The following TMEM14A variants were observed in gnomAD, a reference collection of about 807,000 sequenced individuals.
TMEM14A encodes the protein transmembrane protein 14A.
In TMEM14A, 8 loss-of-function variants were observed where a neutral mutation model predicts 11.6. That is an observed-to-expected ratio of 0.69 (90% confidence interval 0.40 to 1.24). The LOEUF is 1.24. Ranked by LOEUF, TMEM14A falls within the 50% of genes most tolerant of loss-of-function variation. The probability of loss-of-function intolerance (pLI) is 0.01; values close to 1 mark genes in which losing one functional copy is unlikely to be tolerated. For missense variants in TMEM14A, 108 were observed against 121.9 expected, an observed-to-expected ratio of 0.89 and a Z score of 0.54; for synonymous variants, 34 against 45.5, an observed-to-expected ratio of 0.75 and a Z score of 1.02.
chr6:52,678,162 T>C (rs933219439), intron 2 of TMEM14A, among the ~76,000 whole-genome samples: 1 of 152,224 alleles, frequency 6.6e-6, no homozygotes, highest in African/African-American at 2.4e-5. Context: ...AGAACTCAGT[T>C]TAAAATGCTA....
intron 1 of TMEM14A, among the ~76,000 whole-genome samples, chr6:52,673,616 C>T (rs1769202478): frequency 6.6e-6 from 1 of 152,062 alleles, no homozygotes; most frequent in Non-Finnish European, 1.5e-5. Flanking sequence ...CTTAGGCTCC[C>T]AGTCCTTGCT....
chr6:52,678,310 AGTGTGTGTATGTGTGTGTTTGTGTGTGT>A (rs1156254669), intron 2 of TMEM14A, among the ~76,000 whole-genome samples: 9 of 140,538 alleles, frequency 6.4e-5, no homozygotes, highest in Non-Finnish European at 9.2e-5. Context: ...AGATATAGAG[AGTGTGTGTATGTGTGTGTTTGTGTGTGT>A]GTGTGTGTGT....
chr6:52,680,593 T>TATATGTATATA (rs1561874928), intron 2 of TMEM14A, among the ~76,000 whole-genome samples: 1 of 96,516 alleles, frequency 1.0e-5, no homozygotes, highest in South Asian at 3.5e-4. Flanking sequence ...ATTTATATAT[T>TATATGTATATA]TATATATATA....
At chr6:52,673,139 C>T (rs1314374331) in intron 1 of TMEM14A, among the ~76,000 whole-genome samples, 1 of 152,160 alleles carries the variant, frequency 6.6e-6, no homozygotes, top group Non-Finnish European at 1.5e-5. Flanking sequence ...ATTCATGCTC[C>T]CCTGTAGGGT....
At chr6:52,681,981 G>A in intron 3 of TMEM14A, 67 bp downstream of exon 3, 1 of 1,353,880 alleles carries the variant, frequency 7.4e-7, no homozygotes, top group Non-Finnish European at 1.0e-6. Flanking sequence ...GATACCCTAT[G>A]CTAGATATAC....
chr6:52,680,107 C>T (rs1238590435), intron 2 of TMEM14A, among the ~76,000 whole-genome samples: 2 of 151,904 alleles, frequency 1.3e-5, no homozygotes, highest in African/African-American at 2.4e-5. Flanking sequence ...CCCTGTGTCT[C>T]GCCCTGGGGA....
At chr6:52,674,969 C>A (rs1004663403) in intron 1 of TMEM14A, among the ~76,000 whole-genome samples, 3 of 151,076 alleles carry the variant, frequency 2.0e-5, no homozygotes, top group Non-Finnish European at 4.4e-5. Context: ...CTCTGCCTCG[C>A]AGGTTCAAGG....
At chr6:52,678,319 ATGTGTGTGTTTGTGTGTGTGTG>A (rs1430664644) in intron 2 of TMEM14A, among the ~76,000 whole-genome samples, 111 of 133,794 alleles carry the variant, frequency 8.3e-4, no homozygotes, top group Middle Eastern at 4.1e-3. Context: ...GAGTGTGTGT[ATGTGTGTGTTTGTGTGTGTGTG>A]TGTGTGTGTG....
chr6:52,678,911 G>A (rs927421475), intron 2 of TMEM14A, among the ~76,000 whole-genome samples: 1 of 152,084 alleles, frequency 6.6e-6, no homozygotes, highest in African/African-American at 2.4e-5. Context: ...CCAGTGGCTC[G>A]AATGTCTTAG....
chr6:52,683,825 G>T (rs1393272136), intron 3 of TMEM14A, among the ~76,000 whole-genome samples: 2 of 152,166 alleles, frequency 1.3e-5, no homozygotes, highest in Non-Finnish European at 2.9e-5. Context: ...ATGTTGGTCA[G>T]ACTGGCCTCA....
intron 4 of TMEM14A, 136 bp from the exon 5 acceptor site, chr6:52,685,874 C>A (rs1769483711): frequency 6.6e-6 from 4 of 604,556 alleles, no homozygotes; most frequent in Non-Finnish European, 1.1e-5. Context: ...ATGTTTTAAT[C>A]CTCCAAGGGG....
chr6:52,676,068 TC>T (rs1179929722), intron 1 of TMEM14A, among the ~76,000 whole-genome samples: 1 of 152,160 alleles, frequency 6.6e-6, no homozygotes, highest in African/African-American at 2.4e-5. Flanking sequence ...GTGTCACAGT[TC>T]AGTGAAGAGA....
At chr6:52,684,256 A>G in intron 4 of TMEM14A, 91 bp downstream of exon 4, 1 of 1,182,328 alleles carries the variant, frequency 8.5e-7, no homozygotes, top group Non-Finnish European at 1.2e-6. Context: ...TTGAAAGATC[A>G]AAGTCCTTTT....
chr6:52,671,165 C>T lies in TMEM14A; in HGVS notation c.-97C>T, dbSNP rs978408807. The T allele has an allele frequency of 3.9e-5, 6 of 152,316 alleles. No homozygotes were observed. Among genetic ancestry groups the T allele is most frequent in the African/African-American group, 1.4e-4 (6 of 41,472 alleles). 9.4% of individuals were successfully genotyped at this position (152,316 alleles called of 1,614,324 possible). A position where few individuals can be genotyped will look rare whatever the true frequency, so the allele number is the denominator to read the frequency against. ...GACAGCGCTGGTGCGGAGACTGCTT[C>T]CGGACTCCAGGTACCGCGCTTGGCG... On this transcript the variant is annotated 5_prime_UTR_variant, in exon 1 of 5. Coordinates refer to ENST00000211314, the MANE Select transcript of TMEM14A (RefSeq NM_014051.4).
At chr6:52,680,667 G>GTGTATATATATATACATATA (rs1769359943) in intron 2 of TMEM14A, among the ~76,000 whole-genome samples, 13 of 24,896 alleles carry the variant, frequency 5.2e-4, no homozygotes, top group Admixed American at 4.5e-3. Flanking sequence ...GTATATATAT[G>GTGTATATATATATACATATA]TGTATATATA....
At chr6:52,673,928 TA>T in intron 1 of TMEM14A, among the ~76,000 whole-genome samples, 1 of 152,348 alleles carries the variant, frequency 6.6e-6, no homozygotes, top group Non-Finnish European at 1.5e-5. Context: ...AAGCTTAAAA[TA>T]GGTGTAAGGG....
chr6:52,684,844 C>A (rs1300657136), intron 4 of TMEM14A, among the ~76,000 whole-genome samples: 1 of 152,104 alleles, frequency 6.6e-6, no homozygotes, highest in Non-Finnish European at 1.5e-5. Context: ...ATGTTCATTG[C>A]AACTTTATTT....
intron 1 of TMEM14A, among the ~76,000 whole-genome samples, chr6:52,674,991 C>T (rs1769229453): frequency 6.6e-6 from 1 of 151,018 alleles, no homozygotes. Context: ...ATTTTCCGGT[C>T]TCAGCCTCCT....
intron 3 of TMEM14A, 48 bp from the exon 4 acceptor site, chr6:52,684,030 T>C (rs751229765): frequency 1.7e-5 from 27 of 1,563,762 alleles, no homozygotes; most frequent in Non-Finnish European, 1.9e-5. Flanking sequence ...CCCACAAGCA[T>C]TGATAACATG....
Sources: gnomAD v4.1 joint callset for allele counts (sites outside exome capture counted in the v4.1 genomes callset) on GRCh38, gnomAD v4.1.1 for gene constraint, MANE v1.5 for transcripts, NCBI Gene and HGNC (gene_info 2026-07-23, HGNC 2026-07-21) for gene names.